The following PARD3 variants were observed in gnomAD, a reference collection of about 807,000 sequenced individuals.
The protein encoded by PARD3 is par-3 family cell polarity regulator, also known as partitioning defective 3 homolog.
A neutral mutation model predicts 155.4 loss-of-function variants in PARD3; 75 were observed. That is an observed-to-expected ratio of 0.48 (90% CI 0.40 to 0.58). The LOEUF is 0.58. Ranked by LOEUF, PARD3 falls within the 20% of genes least tolerant of loss-of-function variation. The probability of loss-of-function intolerance (pLI) is 0.00; values close to 1 mark genes in which losing one functional copy is unlikely to be tolerated. For synonymous variants in PARD3, 576 were observed against 610.5 expected (o/e 0.94, Z 0.83); for missense variants, 1,642 against 1,721.7 (o/e 0.95, Z 0.82).
At chr10:34,631,405 T>TAC (rs1403969641) in intron 2 of PARD3, among the ~76,000 whole-genome samples, 1 of 152,144 alleles carries the variant, frequency 6.6e-6, no homozygotes, top group East Asian at 1.9e-4. Context: ...CATCAGCCCT[T>TAC]ACCCTTAGGA....
intron 14 of PARD3, among the ~76,000 whole-genome samples, chr10:34,353,800 A>ATTGTTCTCTTCTT (rs1427864919): frequency 9.2e-5 from 14 of 151,800 alleles, no homozygotes; most frequent in African/African-American, 3.4e-4. Flanking sequence ...GTAAGTGAAA[A>ATTGTTCTCTTCTT]CAATTTTTCT....
intron 22 of PARD3, among the ~76,000 whole-genome samples, chr10:34,149,921 C>A (rs1020803580): frequency 6.6e-6 from 1 of 152,148 alleles, no homozygotes; most frequent in Non-Finnish European, 1.5e-5. Flanking sequence ...GTAGTCATAT[C>A]AATTTTGTAA....
intron 2 of PARD3, among the ~76,000 whole-genome samples, chr10:34,672,007 T>C (rs911717195): frequency 2.6e-5 from 4 of 151,930 alleles, no homozygotes; most frequent in African/African-American, 9.7e-5. Flanking sequence ...AGACCCCATC[T>C]GTACAAAAAG....
intron 1 of PARD3, among the ~76,000 whole-genome samples, chr10:34,777,806 ACAGG>A (rs1160515756): frequency 2.0e-5 from 3 of 151,960 alleles, no homozygotes; most frequent in Non-Finnish European, 4.4e-5. Flanking sequence ...TGTTGGGATT[ACAGG>A]TGTGAGCCAC....
chr10:34,341,547 T>C, intron 16 of PARD3, 80 bp downstream of exon 16: 1 of 1,044,708 alleles, frequency 9.6e-7, no homozygotes, highest in Non-Finnish European at 1.4e-6. Flanking sequence ...AATGATTAAC[T>C]GTATTTAGCA....
intron 1 of PARD3, among the ~76,000 whole-genome samples, chr10:34,716,462 C>T (rs1038371732): frequency 3.9e-5 from 6 of 152,064 alleles, no homozygotes; most frequent in African/African-American, 7.2e-5. Flanking sequence ...AACAATAAAA[C>T]TTGTAACTAT....
rs142506504 is a variant in PARD3, at chr10:34,389,177, C to G, written c.891-4923G>C. Among the ~76,000 whole-genome samples the G allele has an allele frequency of 5.2e-3, 705 of 136,860 alleles. 4 individuals are homozygous for G. The highest frequency in any genetic ancestry group is 0.021 in the African/African-American group (678 of 32,372). 89.8% of individuals were successfully genotyped at this position (136,860 alleles called of 152,430 possible). Reference sequence around the variant, plus strand: ...CAAATATCACTTCTGAATAATTTTCCTAATACAAAAGTATGTTACATGCAT... The same window carrying G: ...CAAATATCACTTCTGAATAATTTTCGTAATACAAAAGTATGTTACATGCAT... On this transcript the variant is annotated intron_variant, in intron 7 of 24. Coordinates refer to ENST00000374788, the MANE Select transcript of PARD3 (RefSeq NM_001184785.2).
chr10:34,588,017 C>G (rs2088267325), intron 2 of PARD3, among the ~76,000 whole-genome samples: 1 of 152,248 alleles, frequency 6.6e-6, no homozygotes, highest in African/African-American at 2.4e-5. Flanking sequence ...TAAGATGAAG[C>G]AGGGACCCCT....
intron 21 of PARD3, among the ~76,000 whole-genome samples, chr10:34,274,033 G>A (rs183678631): frequency 4.7e-4 from 72 of 152,124 alleles, no homozygotes; most frequent in South Asian, 1.0e-3. Flanking sequence ...ATGGGGCAAC[G>A]AAAACTGCTT....
At chr10:34,632,399 G>A (rs753000593) in intron 2 of PARD3, among the ~76,000 whole-genome samples, 6 of 152,134 alleles carry the variant, frequency 3.9e-5, no homozygotes, top group Non-Finnish European at 7.3e-5. Flanking sequence ...ACCTTCACAC[G>A]CCATTAGCCA....
chr10:34,778,121 G>A (rs780091431), intron 1 of PARD3, among the ~76,000 whole-genome samples: 4 of 152,202 alleles, frequency 2.6e-5, no homozygotes, highest in Non-Finnish European at 5.9e-5. Context: ...CGCAGCATTT[G>A]CATATAACCT....
At chr10:34,481,250 C>T (rs1461123170) in intron 3 of PARD3, among the ~76,000 whole-genome samples, 2 of 152,140 alleles carry the variant, frequency 1.3e-5, no homozygotes, top group African/African-American at 4.8e-5. Flanking sequence ...CCCTTTCCCT[C>T]TCCCTCTCTC....
intron 2 of PARD3, among the ~76,000 whole-genome samples, chr10:34,519,262 T>C (rs925154608): frequency 2.0e-5 from 3 of 152,178 alleles, no homozygotes; most frequent in African/African-American, 2.4e-5. Context: ...TCTGATTAGT[T>C]GACAGTACTG....
intron 2 of PARD3, among the ~76,000 whole-genome samples, chr10:34,568,882 TAG>T (rs1195355085): frequency 6.6e-6 from 1 of 152,192 alleles, no homozygotes; most frequent in Non-Finnish European, 1.5e-5. Context: ...CTTCAACTGG[TAG>T]AGACTTAATT....
At chr10:34,600,340 G>A (rs762172090) in intron 2 of PARD3, among the ~76,000 whole-genome samples, 3 of 151,566 alleles carry the variant, frequency 2.0e-5, no homozygotes, top group East Asian at 1.9e-4. Flanking sequence ...GCGAGACCCC[G>A]GTCTCAAAAA....
chr10:34,252,882 C>T (rs1954410685), intron 22 of PARD3, among the ~76,000 whole-genome samples: 1 of 151,954 alleles, frequency 6.6e-6, no homozygotes, highest in South Asian at 2.1e-4. Context: ...ATCAGAAAAC[C>T]ACCTGCACTT....
intron 1 of PARD3, among the ~76,000 whole-genome samples, chr10:34,798,437 G>T (rs2134306711): frequency 6.6e-6 from 1 of 152,088 alleles, no homozygotes; most frequent in East Asian, 1.9e-4. Context: ...GGGCGCAGTG[G>T]CTCACAACTG....
chr10:34,798,138 A>G (rs1564629887), intron 1 of PARD3, among the ~76,000 whole-genome samples: 1 of 149,686 alleles, frequency 6.7e-6, no homozygotes. Context: ...TGGGCAACTT[A>G]GCAAGAACCC....
In PARD3 at chr10:34,350,215, T is replaced by C. The variant is rs377727724; in HGVS notation, c.2068-2100A>G. On this transcript the variant is annotated intron_variant, in intron 14 of 24. Transcript: ENST00000374788. ...GTTGCAAGAACACCAGCTTAGGAAA[T>C]AGAAATGTGTCAGAGGGGGCACCAG... Among the ~76,000 whole-genome samples the C allele has an allele frequency of 2.9e-4, 44 of 152,264 alleles. No individual in the cohort carries two copies. The South Asian group carries it at 8.3e-3, about 29-fold the overall frequency.
Sources: allele counts gnomAD v4.1 joint callset (sites outside exome capture counted in the v4.1 genomes callset), GRCh38; gene constraint gnomAD v4.1.1; transcripts MANE v1.5; gene names NCBI Gene and HGNC (gene_info 2026-07-23, HGNC 2026-07-21).